NEK4: variants seen among roughly 807,000 people sequenced by gnomAD.
NEK4 encodes the protein NIMA related kinase 4.
In NEK4, 86 loss-of-function variants were observed where a neutral mutation model predicts 98.4. The observed-to-expected ratio is 0.87, with a 90% confidence interval of 0.73 to 1.05. NEK4 has a LOEUF of 1.05. Ranked by LOEUF, NEK4 falls within the 50% of genes least tolerant of loss-of-function variation. The pLI is 0.00. For missense variants in NEK4, 898 were observed against 950.3 expected, an observed-to-expected ratio of 0.94 and a Z score of 0.72; for synonymous variants, 328 against 342.2, an observed-to-expected ratio of 0.96 and a Z score of 0.46.
chr3:52,766,879 G>A (rs1047399680), intron 2 of NEK4, among the ~76,000 whole-genome samples: 3 of 152,100 alleles, frequency 2.0e-5, no homozygotes, highest in East Asian at 3.9e-4. Context: ...CCAGCTACTC[G>A]GGACGCTGAG....
At chr3:52,715,158 G>A (rs1172099869) in intron 15 of NEK4, among the ~76,000 whole-genome samples, 1 of 152,220 alleles carries the variant, frequency 6.6e-6, no homozygotes, top group Non-Finnish European at 1.5e-5. Flanking sequence ...GGAACTTGTG[G>A]TGCCTTTTCT....
chr3:52,742,156 T>G (rs986616788), intron 12 of NEK4, among the ~76,000 whole-genome samples: 1 of 152,124 alleles, frequency 6.6e-6, no homozygotes, highest in Non-Finnish European at 1.5e-5. Flanking sequence ...CTAGTTCTGG[T>G]TTATCAACTC....
chr3:52,718,462 GAC>G (rs1359774632), intron 15 of NEK4, among the ~76,000 whole-genome samples: 1 of 116,486 alleles, frequency 8.6e-6, no homozygotes, highest in Non-Finnish European at 1.7e-5. Context: ...GACAGAGTAA[GAC>G]TCCGTCTCAA....
Position 52,711,044 on chromosome 3 carries a change from A to G in NEK4, c.*733T>C, listed in dbSNP as rs1186987594. 2 of 152,660 alleles carry G rather than the reference A, an allele frequency of 1.3e-5. No homozygotes were observed. Among genetic ancestry groups the G allele is most frequent in the African/African-American group, 2.4e-5 (1 of 41,460 alleles). 9.5% of individuals were successfully genotyped at this position (152,660 alleles called of 1,614,324 possible). The stretch of plus-strand genomic sequence containing the variant: ...AAATGGACCTGGACTTTGCTTACAA[A>G]TTGCTTAAATGGAAATGAAATTTGT... On this transcript the variant is annotated 3_prime_UTR_variant, in exon 16 of 16. Transcript: ENST00000233027.
At chr3:52,746,503 A>G (rs1197332536) in intron 9 of NEK4, among the ~76,000 whole-genome samples, 1 of 152,234 alleles carries the variant, frequency 6.6e-6, no homozygotes, top group Admixed American at 6.5e-5. Flanking sequence ...ACATTAGCCT[A>G]TTCCTTTAAC....
rs1292641137 is a variant in NEK4, at chr3:52,751,956, G to T, written c.1344C>A (p.Ile448=). ...NEPVKPLQPL[I]KEQKPKDQSL... ...CCTGGTCCTTTGGCTTTTGTTCTTT[G>T]ATTAGGGGCTGCAGAGGCTTCACTG... The change falls in exon 7 of 16, where the codon ATC becomes ATA. Residue 448 remains isoleucine (I), a synonymous_variant. Transcript: ENST00000233027. The T allele has an allele frequency of 6.2e-7, 1 of 1,613,694 alleles. No homozygotes were observed. The highest frequency in any genetic ancestry group is 8.5e-7 in the Non-Finnish European group (1 of 1,179,940).
Position 52,768,423 on chromosome 3 carries a change from T to C in NEK4, c.275A>G (p.Tyr92Cys). ...VMGFCEGGDL[Y>C]RKLKEQKGQL... The stretch of plus-strand genomic sequence containing the variant: ...CCCTTTCTGCTCCTTGAGCTTTCGG[T>C]ACAAATCACCTCCTTCACAGAAGCC... The change falls in exon 2 of 16, where the codon TAC (tyrosine) becomes TGC (cysteine). Residue 92 changes from tyrosine to cysteine, a missense_variant. Transcript: ENST00000233027. 6.2e-7 allele frequency: 1 copy of C among 1,614,156 alleles called. No individual in the cohort carries two copies. Among genetic ancestry groups the C allele is most frequent in the Non-Finnish European group, 8.5e-7 (1 of 1,180,010 alleles).
Position 52,746,892 on chromosome 3 carries a change from C to T in NEK4, c.1519G>A (p.Gly507Ser). 6.2e-7 allele frequency: 1 copy of T among 1,612,558 alleles called. No homozygotes were observed. Among genetic ancestry groups the T allele is most frequent in the Non-Finnish European group, 8.5e-7 (1 of 1,178,774 alleles). Reference protein sequence around the residue: ...VCHHAQDQVAGECIIEKQGRI... With the variant: ...VCHHAQDQVASECIIEKQGRI... ...CCCTGTTTTTCTATAATACATTCAC[C>T]AGCAACTTGATCCTTAAAAACAATA... The change falls in exon 9 of 16, where the codon GGT becomes AGT. Residue 507 changes from glycine (G) to serine (S), a missense_variant. Coordinates refer to ENST00000233027, the MANE Select transcript of NEK4 (RefSeq NM_003157.6).
intron 2 of NEK4, among the ~76,000 whole-genome samples, chr3:52,767,294 C>A (rs575806633): frequency 1.3e-5 from 2 of 151,762 alleles, no homozygotes; most frequent in East Asian, 3.9e-4. Context: ...AAAAAAAAAA[C>A]AATGCTTACA....
chr3:52,727,554 C>T (rs35386691), intron 15 of NEK4, among the ~76,000 whole-genome samples: 5,813 of 152,248 alleles, frequency 0.038, 156 homozygotes, highest in Non-Finnish European at 0.062. Context: ...CGGCTCACTC[C>T]GACCTCCACC....
intron 15 of NEK4, among the ~76,000 whole-genome samples, chr3:52,715,994 C>T (rs1269739941): frequency 6.6e-6 from 1 of 152,216 alleles, no homozygotes; most frequent in Non-Finnish European, 1.5e-5. Context: ...CTGGTGCCAG[C>T]AGTGGAAGCT....
intron 4 of NEK4, among the ~76,000 whole-genome samples, chr3:52,764,780 A>ACACACACACACATG (rs1553618485): frequency 1.9e-5 from 1 of 51,728 alleles, no homozygotes; most frequent in South Asian, 1.5e-3. Flanking sequence ...ACACACATGC[A>ACACACACACACATG]CACACACACA....
In NEK4 at chr3:52,710,234, G is replaced by GGGCAACT. The variant is rs1227452485; in HGVS notation, c.*1536_*1542dup. The GGGCAACT allele has an allele frequency of 1.3e-5, 2 of 151,982 alleles. No individual in the cohort carries two copies. The highest frequency in any genetic ancestry group is 2.9e-5 in the Non-Finnish European group (2 of 68,070). 9.4% of individuals were successfully genotyped at this position (151,982 alleles called of 1,614,324 possible). ...AAAAAAATTAGCCGGGCATGGTGGC[G>GGGCAACT]GGCAACTGTAGTCCCAGCTACTCGA... On this transcript the variant is annotated 3_prime_UTR_variant, in exon 16 of 16. Coordinates refer to ENST00000233027, the MANE Select transcript of NEK4 (RefSeq NM_003157.6).
At chr3:52,729,041 T>C (rs2097367179) in intron 15 of NEK4, among the ~76,000 whole-genome samples, 1 of 152,208 alleles carries the variant, frequency 6.6e-6, no homozygotes, top group South Asian at 2.1e-4. Context: ...ACATAGACCC[T>C]TATCAGTAGT....
chr3:52,739,363 C>T (rs1336643768), intron 14 of NEK4, 66 bp downstream of exon 14: 14 of 1,350,488 alleles, frequency 1.0e-5, no homozygotes, highest in Non-Finnish European at 1.5e-5. Context: ...CACACTACTG[C>T]ACTCCAGCCT....
intron 6 of NEK4, among the ~76,000 whole-genome samples, chr3:52,758,611 G>A (rs1246282676): frequency 1.3e-5 from 2 of 149,646 alleles, no homozygotes; most frequent in East Asian, 3.9e-4. Context: ...TTGTGAAAAG[G>A]ACATTATCAA....
intron 9 of NEK4, among the ~76,000 whole-genome samples, chr3:52,746,457 C>T (rs2097396261): frequency 6.6e-6 from 1 of 152,184 alleles, no homozygotes; most frequent in African/African-American, 2.4e-5. Flanking sequence ...AAGAACTGTT[C>T]ATCAGTACAA....
intron 15 of NEK4, among the ~76,000 whole-genome samples, chr3:52,731,622 A>G (rs1274049227): frequency 6.6e-6 from 1 of 152,218 alleles, no homozygotes; most frequent in Non-Finnish European, 1.5e-5. Context: ...TTACTTCATC[A>G]TGCCATACGC....
At chr3:52,742,892 T>C (rs7638162) in intron 12 of NEK4, among the ~76,000 whole-genome samples, 69,497 of 152,002 alleles carry the variant, frequency 0.46, 16,218 homozygotes, top group African/African-American at 0.52. Flanking sequence ...TGGGCTCAAG[T>C]GATCCTTCCA....
Sources: allele counts gnomAD v4.1 joint callset (sites outside exome capture counted in the v4.1 genomes callset), GRCh38; gene constraint gnomAD v4.1.1; transcripts MANE v1.5; gene names NCBI Gene and HGNC (gene_info 2026-07-23, HGNC 2026-07-21).